Variants in BLTP3B observed in about 807,000 individuals in gnomAD.
The protein encoded by BLTP3B is UHRF1 (ICBP90) binding protein 1-like.
At chr12:100,127,632 A>G in the BLTP3B span, among the ~76,000 whole-genome samples, 3 of 152,230 alleles carry the variant, frequency 2.0e-5, no homozygotes, top group African/African-American at 7.2e-5. Context: ...ACCTGGTTTT[A>G]TAACATAATT....
At chr12:100,044,738 G>T in the BLTP3B span, among the ~76,000 whole-genome samples, 13 of 152,270 alleles carry the variant, frequency 8.5e-5, no homozygotes, top group African/African-American at 2.9e-4. Flanking sequence ...AGCATTGGAA[G>T]TTCTGGCCAG....
chr12:100,112,288 G>C, the BLTP3B span, among the ~76,000 whole-genome samples: 1 of 152,066 alleles, frequency 6.6e-6, no homozygotes, highest in Non-Finnish European at 1.5e-5. Flanking sequence ...AGACCAGCCT[G>C]GGCTGGTCTA....
chr12:100,105,946 A>G, the BLTP3B span, among the ~76,000 whole-genome samples: 4 of 152,224 alleles, frequency 2.6e-5, no homozygotes, highest in Admixed American at 2.6e-4. Context: ...CAACAACCAC[A>G]TGAAAAAATG....
chr12:100,091,216 G>C, the BLTP3B span, among the ~76,000 whole-genome samples: 1 of 130,436 alleles, frequency 7.7e-6, no homozygotes, highest in Admixed American at 8.8e-5. Flanking sequence ...TTGAGACAGA[G>C]TCTCACTCTG....
chr12:100,074,134 G>C, the BLTP3B span, among the ~76,000 whole-genome samples: 1 of 152,230 alleles, frequency 6.6e-6, no homozygotes, highest in South Asian at 2.1e-4. Context: ...TCCACGAAAA[G>C]ACTCCCATGA....
At chr12:100,050,587 C>T in the BLTP3B span, among the ~76,000 whole-genome samples, 29 of 152,246 alleles carry the variant, frequency 1.9e-4, no homozygotes, top group Middle Eastern at 3.4e-3. Context: ...AAGTATTTCA[C>T]TGCATCAGGA....
the BLTP3B span, chr12:100,095,742 T>C: frequency 6.2e-7 from 1 of 1,613,720 alleles, no homozygotes; most frequent in Non-Finnish European, 8.5e-7. Flanking sequence ...ACTTTGCATA[T>C]TGTACCATAG....
At chr12:100,084,493 G>T in the BLTP3B span, 2 of 1,613,480 alleles carry the variant, frequency 1.2e-6, no homozygotes, top group South Asian at 2.2e-5. Flanking sequence ...TGTGTGCTGG[G>T]GAGAGGCATG....
chr12:100,112,297 T>C, the BLTP3B span, among the ~76,000 whole-genome samples: 1 of 152,108 alleles, frequency 6.6e-6, no homozygotes, highest in Non-Finnish European at 1.5e-5. Flanking sequence ...TGGGCTGGTC[T>C]ATATATTAGT....
At chr12:100,128,179 A>C in the BLTP3B span, among the ~76,000 whole-genome samples, 3 of 152,248 alleles carry the variant, frequency 2.0e-5, no homozygotes, top group East Asian at 3.8e-4. Flanking sequence ...CTCTTTATCA[A>C]AGGAGACTTT....
chr12:100,098,740 A>T, the BLTP3B span, among the ~76,000 whole-genome samples: 40 of 109,568 alleles, frequency 3.7e-4, no homozygotes, highest in African/African-American at 1.7e-3. Flanking sequence ...CATCTCTACT[A>T]AAAAAAAAAA....
At chr12:100,114,726 T>C in the BLTP3B span, among the ~76,000 whole-genome samples, 1 of 152,232 alleles carries the variant, frequency 6.6e-6, no homozygotes, top group African/African-American at 2.4e-5. Flanking sequence ...TACTTTGGCT[T>C]GGATCACTAA....
the BLTP3B span, chr12:100,039,880 A>G: frequency 1.8e-6 from 2 of 1,123,838 alleles, no homozygotes; most frequent in East Asian, 2.6e-5. Context: ...TTAAAACTAA[A>G]TATCTATATA....
the BLTP3B span, chr12:100,128,748 G>C: frequency 7.9e-7 from 1 of 1,268,026 alleles, no homozygotes; most frequent in Non-Finnish European, 1.0e-6. Context: ...GGTACACAGG[G>C]GACACAGAAG....
the BLTP3B span, among the ~76,000 whole-genome samples, chr12:100,099,404 G>T: frequency 4.6e-5 from 7 of 151,632 alleles, no homozygotes; most frequent in Non-Finnish European, 8.8e-5. Flanking sequence ...AAGGCAGGAG[G>T]ATCTCTTGAA....
At chr12:100,061,290 G>C in the BLTP3B span, among the ~76,000 whole-genome samples, 2 of 152,166 alleles carry the variant, frequency 1.3e-5, no homozygotes, top group African/African-American at 4.8e-5. Flanking sequence ...TGCTGCCCAA[G>C]ACTAGAGCAC....
the BLTP3B span, among the ~76,000 whole-genome samples, chr12:100,141,669 A>G: frequency 2.0e-5 from 3 of 152,172 alleles, no homozygotes; most frequent in East Asian, 5.8e-4. Flanking sequence ...AAATTAACTT[A>G]CAAATCGAAC....
the BLTP3B span, among the ~76,000 whole-genome samples, chr12:100,100,341 C>T: frequency 2.0e-5 from 3 of 151,314 alleles, no homozygotes; most frequent in East Asian, 2.0e-4. Flanking sequence ...TTTAAAAAAA[C>T]GCTCTTCTCA....
chr12:100,047,532 C>G, the BLTP3B span: 1 of 1,594,818 alleles, frequency 6.3e-7, no homozygotes, highest in Non-Finnish European at 8.6e-7. Flanking sequence ...ATATATACCT[C>G]TGATATGAAA....
Sources: gnomAD v4.1 joint callset for allele counts (sites outside exome capture counted in the v4.1 genomes callset) on GRCh38, gnomAD v4.1.1 for gene constraint, MANE v1.5 for transcripts, NCBI Gene and HGNC (gene_info 2026-07-23, HGNC 2026-07-21) for gene names.